The following PHF11 variants were observed in gnomAD, a reference collection of about 807,000 sequenced individuals.
PHF11 encodes BRCA1 C-terminus-associated protein.
A neutral mutation model predicts 40.5 loss-of-function variants in PHF11; 38 were observed. The observed-to-expected ratio is 0.94, with a 90% CI of 0.72 to 1.23. The LOEUF (loss-of-function observed/expected upper bound fraction) is 1.23, where lower values mean the gene tolerates loss of function less well. Ranked by LOEUF, PHF11 falls within the 50% of genes most tolerant of loss-of-function variation. The pLI, the probability that PHF11 is intolerant of heterozygous loss-of-function variation, is 0.00. For missense variants in PHF11, 369 were observed against 392.4 expected (o/e 0.94, Z 0.50); for synonymous variants, 127 against 138.2 (o/e 0.92, Z 0.57).
At chr13:49,496,432 C>A (rs1958810051) in intron 1 of PHF11, 3 of 1,055,746 alleles carry the variant, frequency 2.8e-6, no homozygotes, top group East Asian at 6.7e-5. Flanking sequence ...ACTCTCCTAG[C>A]GCCCCTCCGC....
intron 6 of PHF11, 64 bp downstream of exon 6, chr13:49,522,171 T>C (rs893155510): frequency 2.5e-6 from 2 of 794,568 alleles, no homozygotes; most frequent in Admixed American, 4.5e-5. Flanking sequence ...TAAACCAGTC[T>C]GAATGTCAGG....
At position 49,506,628 on chromosome 13, in the gene PHF11, C is replaced by T; in HGVS notation, c.95-7C>T. On this transcript the variant is annotated splice_polypyrimidine_tract_variant and splice_region_variant and intron_variant, in intron 1 of 9. Transcript: ENST00000378319. ...TTTCCATTTCTCACCAGGGATATTA[C>T]TTATAGGTGTCTTTCAGGTTGCAGA... is the stretch of plus-strand genomic sequence containing the variant. 1.2e-6 allele frequency: 2 copies of T among 1,612,926 alleles called. No homozygotes were observed. Among genetic ancestry groups the T allele is most frequent in the South Asian group, 1.1e-5 (1 of 91,048 alleles).
intron 9 of PHF11, among the ~76,000 whole-genome samples, chr13:49,528,164 A>G (rs1281449615): frequency 1.3e-5 from 2 of 152,222 alleles, no homozygotes; most frequent in Admixed American, 1.3e-4. Context: ...TTCTCCAATT[A>G]TCATCTCTCA....
chr13:49,523,174 G>A lies in PHF11; in HGVS notation c.571-1G>A. ...AATGCAATCTTGATTTTCTCTCCTAGCCACCCGAAACAATGAAATGTAATA... is the reference window on the plus strand; with the variant it reads ...AATGCAATCTTGATTTTCTCTCCTAACCACCCGAAACAATGAAATGTAATA... On this transcript the variant is annotated splice_acceptor_variant, in intron 6 of 9. Coordinates refer to ENST00000378319, the MANE Select transcript of PHF11 (RefSeq NM_001040443.3). LOFTEE classifies it high-confidence loss of function. 2.5e-6 allele frequency: 4 copies of A among 1,601,800 alleles called. No individual in the cohort carries two copies. Among genetic ancestry groups the A allele is most frequent in the Non-Finnish European group, 3.4e-6 (4 of 1,168,874 alleles).
At chr13:49,527,796 C>T (rs545036432) in intron 9 of PHF11, among the ~76,000 whole-genome samples, 2 of 152,200 alleles carry the variant, frequency 1.3e-5, no homozygotes, top group East Asian at 3.9e-4. Context: ...GGTGCCACTA[C>T]TTAGAACTGC....
chr13:49,496,900 C>T (rs1479280297), intron 1 of PHF11, among the ~76,000 whole-genome samples: 1 of 135,064 alleles, frequency 7.4e-6, no homozygotes, highest in Non-Finnish European at 1.5e-5. Flanking sequence ...AAGGCGCTAT[C>T]TCGGCCCACT....
intron 2 of PHF11, among the ~76,000 whole-genome samples, 190 bp downstream of exon 2, chr13:49,506,946 C>G: frequency 6.7e-6 from 1 of 148,390 alleles, no homozygotes; most frequent in South Asian, 2.2e-4. Flanking sequence ...CTCTGTCACC[C>G]AGGCTGGAGT....
At chr13:49,517,991 T>A (rs747875213) in intron 3 of PHF11, 27 bp from the exon 4 acceptor site, 1 of 1,293,130 alleles carries the variant, frequency 7.7e-7, no homozygotes, top group South Asian at 1.3e-5. Flanking sequence ...AACAGGTACT[T>A]ACTCAGTAAA....
At chr13:49,525,899 T>C (rs1959249402) in intron 8 of PHF11, 2 of 432,058 alleles carry the variant, frequency 4.6e-6, no homozygotes, top group Non-Finnish European at 9.2e-6. Context: ...CCAGGCGCGG[T>C]GGCTCACGCC....
intron 5 of PHF11, chr13:49,521,391 G>C (rs1959186829): frequency 2.0e-6 from 2 of 987,602 alleles, no homozygotes; most frequent in African/African-American, 1.7e-5. Context: ...TTTCATTCAT[G>C]AGTGGAACAG....
intron 9 of PHF11, among the ~76,000 whole-genome samples, chr13:49,528,002 T>C (rs1438658725): frequency 1.3e-5 from 2 of 152,236 alleles, no homozygotes; most frequent in East Asian, 3.8e-4. Flanking sequence ...TTGTTATTTA[T>C]AAAGCCTAAG....
chr13:49,502,947 A>C (rs1469979168), intron 1 of PHF11, among the ~76,000 whole-genome samples: 1 of 151,752 alleles, frequency 6.6e-6, no homozygotes, highest in African/African-American at 2.4e-5. Flanking sequence ...GATGGTCTCG[A>C]TCTCCTGATC....
rs1566197701 is a variant in PHF11, at chr13:49,524,200, G to T, written c.753G>T (p.Glu251Asp). The T allele has an allele frequency of 6.2e-7, 1 of 1,608,166 alleles. No homozygotes were observed. Reference protein sequence around the residue: ...VHSIPEKLMDETTSESDYEEI... With the variant: ...VHSIPEKLMDDTTSESDYEEI... The stretch of plus-strand genomic sequence containing the variant: ...CAATTCCAGAAAAACTCATGGATGA[G>T]ACTACTTCAGAATCAGGTACTGATG... The change falls in exon 8 of 10, where the codon GAG (glutamate) becomes GAT (aspartate). Residue 251 changes from glutamate to aspartate, a missense_variant. Physicochemically the swap from Glu to Asp is conservative, Grantham distance 45 (BLOSUM62 2). Coordinates refer to ENST00000378319, the MANE Select transcript of PHF11 (RefSeq NM_001040443.3).
intron 2 of PHF11, among the ~76,000 whole-genome samples, chr13:49,507,929 GC>G (rs1959028155): frequency 6.6e-6 from 1 of 151,938 alleles, no homozygotes; most frequent in African/African-American, 2.4e-5. Context: ...CTGCACTATG[GC>G]TTTATTACTA....
intron 2 of PHF11, among the ~76,000 whole-genome samples, chr13:49,512,138 G>A (rs941829099): frequency 4.6e-5 from 7 of 152,202 alleles, no homozygotes; most frequent in African/African-American, 1.7e-4. Flanking sequence ...AAGGGTTAAT[G>A]ATATTGAGCA....
intron 2 of PHF11, among the ~76,000 whole-genome samples, chr13:49,510,534 GT>G (rs764319578): frequency 2.0e-5 from 3 of 152,066 alleles, no homozygotes; most frequent in African/African-American, 4.8e-5. Context: ...CTGGAATGGA[GT>G]GGCATAATCA....
Position 49,497,754 on chromosome 13 carries a change from C to T in PHF11, c.94+1659C>T, listed in dbSNP as rs1405564693. Reference sequence around the variant, plus strand: ...CCTGGCCTGCAGTTTACCCCATGTCCTTATCTGATTTGACTCCTGCCCATC... The same window carrying T: ...CCTGGCCTGCAGTTTACCCCATGTCTTTATCTGATTTGACTCCTGCCCATC... On this transcript the variant is annotated intron_variant, in intron 1 of 9. Coordinates refer to ENST00000378319, the MANE Select transcript of PHF11 (RefSeq NM_001040443.3). Among the ~76,000 whole-genome samples, 5 of 152,196 alleles carry T rather than the reference C, an allele frequency of 3.3e-5. No individual in the cohort carries two copies. The East Asian group carries it at 7.7e-4, about 23-fold the overall frequency.
intron 3 of PHF11, among the ~76,000 whole-genome samples, chr13:49,515,286 G>T (rs1959136671): frequency 6.6e-6 from 1 of 152,094 alleles, no homozygotes; most frequent in African/African-American, 2.4e-5. Context: ...GGACAGGCCA[G>T]TGCTGTGGTA....
chr13:49,520,683 T>C (rs1959183395), intron 4 of PHF11, among the ~76,000 whole-genome samples: 1 of 152,060 alleles, frequency 6.6e-6, no homozygotes, highest in Admixed American at 6.6e-5. Flanking sequence ...ATCATCTTCC[T>C]AAGTCCCTGA....
Sources: gnomAD v4.1 joint callset for allele counts (sites outside exome capture counted in the v4.1 genomes callset) on GRCh38, gnomAD v4.1.1 for gene constraint, MANE v1.5 for transcripts, NCBI Gene and HGNC (gene_info 2026-07-23, HGNC 2026-07-21) for gene names.